The following MAST2 variants were observed in gnomAD, a reference collection of about 807,000 sequenced individuals.
The protein encoded by MAST2 is microtubule associated serine/threonine kinase 2.
Under a neutral mutation model 147.4 loss-of-function variants are expected in MAST2, and 70 were observed. The observed-to-expected ratio is 0.47, with a 90% CI of 0.39 to 0.58. MAST2 has a LOEUF of 0.58. Among genes scored for constraint, MAST2 ranks in the 20% least tolerant of loss-of-function variants. MAST2 has a pLI of 0.00. For missense variants in MAST2, 2,080 were observed against 2,302.3 expected (o/e 0.90, Z 1.98); for synonymous variants, 869 against 896.8 (o/e 0.97, Z 0.55).
rs567753933 is a variant in MAST2, at chr1:46,030,261, T to A, written c.2553+23T>A. The A allele has an allele frequency of 1.1e-5, 17 of 1,607,308 alleles. No individual in the cohort carries two copies. The East Asian group carries it at 2.7e-4, about 25-fold the overall frequency. ...AAGGTGTGACTGAGGAGGCCCAGAA[T>A]GGGCAGAACAGGCTGGAGGATCAGA... is the stretch of plus-strand genomic sequence containing the variant. On this transcript the variant is annotated intron_variant, in intron 21 of 28. Coordinates refer to ENST00000361297, the MANE Select transcript of MAST2 (RefSeq NM_015112.3).
In MAST2 at chr1:45,949,115, C is replaced by T. The variant is rs1440777175; in HGVS notation, c.501-10271C>T. Reference sequence around the variant, plus strand: ...ATGCGTTAAAGACTTAAACGTAAAACTATGAAAACCCTGGAAGACAACCTA... The same window carrying T: ...ATGCGTTAAAGACTTAAACGTAAAATTATGAAAACCCTGGAAGACAACCTA... On this transcript the variant is annotated intron_variant, in intron 4 of 28. Coordinates refer to ENST00000361297, the MANE Select transcript of MAST2 (RefSeq NM_015112.3). Among the ~76,000 whole-genome samples the T allele has an allele frequency of 3.3e-5, 5 of 150,394 alleles. 1 individual carries two copies. The highest frequency in any genetic ancestry group is 7.4e-5 in the Non-Finnish European group (5 of 67,354).
At chr1:45,826,743 T>C (rs1014619974) in intron 2 of MAST2, among the ~76,000 whole-genome samples, 7 of 152,338 alleles carry the variant, frequency 4.6e-5, no homozygotes, top group Admixed American at 6.5e-5. Flanking sequence ...CTATCTGCTT[T>C]AGATTTCCCC....
At chr1:45,978,014 G>C (rs1644244023) in intron 5 of MAST2, among the ~76,000 whole-genome samples, 1 of 151,762 alleles carries the variant, frequency 6.6e-6, no homozygotes, top group Non-Finnish European at 1.5e-5. Flanking sequence ...CGAGGAGTTC[G>C]AGACCAGCCT....
At chr1:45,868,995 G>T (rs893887075) in intron 3 of MAST2, among the ~76,000 whole-genome samples, 2 of 152,160 alleles carry the variant, frequency 1.3e-5, no homozygotes, top group Non-Finnish European at 1.5e-5. Flanking sequence ...GGCTTTGAAG[G>T]TTAAGGAATT....
intron 4 of MAST2, among the ~76,000 whole-genome samples, chr1:45,929,676 T>A (rs1420023618): frequency 2.0e-5 from 3 of 152,210 alleles, no homozygotes; most frequent in East Asian, 1.9e-4. Flanking sequence ...GTCCTGCTGT[T>A]AAGAAACTAG....
chr1:46,035,840 G>T lies in MAST2; in HGVS notation c.5171G>T (p.Gly1724Val). The T allele has an allele frequency of 5.0e-6, 8 of 1,614,088 alleles. No individual in the cohort carries two copies. Among genetic ancestry groups the T allele is most frequent in the African/African-American group, 1.3e-5 (1 of 75,014 alleles). ...CCATCTTATGAGGATCCCAGCCAGG[G>T]CTGGCTATGGGAGTCTGAGTGTGCA... ...AHPSYEDPSQGWLWESECAQA... is the reference protein window; with the variant it reads ...AHPSYEDPSQVWLWESECAQA... The change falls in exon 29 of 29, where the codon GGC becomes GTC. Residue 1724 changes from glycine (G) to valine (V), a missense_variant. By Grantham distance (109) the Gly-to-Val change is moderately radical (BLOSUM62 -3). Transcript: ENST00000361297. This position sits in a 1 kb window ranked among gnomAD's most constrained non-coding sequence, Gnocchi z 5.5.
At chr1:45,920,138 G>A (rs1021330353) in intron 4 of MAST2, among the ~76,000 whole-genome samples, 1 of 152,104 alleles carries the variant, frequency 6.6e-6, no homozygotes, top group Non-Finnish European at 1.5e-5. Flanking sequence ...CAGGCTGATG[G>A]GAGCATGAAC....
chr1:46,035,544 G>A lies in MAST2; in HGVS notation c.4875G>A (p.Gln1625=). The A allele has an allele frequency of 1.2e-6, 2 of 1,613,466 alleles. No individual in the cohort carries two copies. Among genetic ancestry groups the A allele is most frequent in the Non-Finnish European group, 1.7e-6 (2 of 1,179,998 alleles). ...GCWKAQHLHT[Q]ALTALSPSTS... ...GGAAGGCCCAGCACCTCCACACCCA[G>A]GCACTAACAGCACTTTCTCCCAGCA... The change falls in exon 29 of 29, where the codon CAG becomes CAA. Residue 1625 remains glutamine, a synonymous_variant. Coordinates refer to ENST00000361297, the MANE Select transcript of MAST2 (RefSeq NM_015112.3). The surrounding 1 kb of genome is among the most constrained non-coding windows in gnomAD (Gnocchi z 5.5).
rs146458868 is a variant in MAST2, at chr1:45,918,268, T to C, written c.500+35873T>C. Among the ~76,000 whole-genome samples the C allele has an allele frequency of 6.7e-3, 1,014 of 152,274 alleles. 10 individuals carry two copies. The highest frequency in any genetic ancestry group is 0.023 in the African/African-American group (960 of 41,558). ...AAGTCATAGAGCCTGAATGGAGATA[T>C]CTGGAAGAAGAGTGTTCCAGGTGGA... On this transcript the variant is annotated intron_variant, in intron 4 of 28. Coordinates refer to ENST00000361297, the MANE Select transcript of MAST2 (RefSeq NM_015112.3).
Position 46,034,966 on chromosome 1 carries a change from C to A in MAST2, c.4297C>A (p.Pro1433Thr), listed in dbSNP as rs1646841305. 3 of 1,614,060 alleles carry A rather than the reference C, an allele frequency of 1.9e-6. No individual in the cohort carries two copies. Among genetic ancestry groups the A allele is most frequent in the African/African-American group, 1.3e-5 (1 of 75,048 alleles). Residue 1433 changes from proline (P) to threonine (T), a missense_variant, in exon 29 of 29, where the codon CCC (proline) becomes ACC (threonine). Transcript: ENST00000361297. The stretch of plus-strand genomic sequence containing the variant: ...TTCTCGCAAGCACAGCCTTGACCTG[C>A]CCCACTCTGAACTAAAGAAGGAACT... ...ATSRKHSLDL[P>T]HSELKKELPP...
At chr1:45,854,137 G>A (rs928044418) in intron 3 of MAST2, among the ~76,000 whole-genome samples, 3 of 151,938 alleles carry the variant, frequency 2.0e-5, no homozygotes, top group African/African-American at 7.3e-5. Context: ...TCAGGAGTTC[G>A]AGACCAGCCT....
In MAST2 at chr1:46,019,833, A is replaced by G. The variant is rs570550436; in HGVS notation, c.1290+136A>G. ...GGTCCTTATTTAAATATGATTTGCC[A>G]CCATTGGGGGACTAAACAGGTTTTT... On this transcript the variant is annotated intron_variant, in intron 11 of 28. Coordinates refer to ENST00000361297, the MANE Select transcript of MAST2 (RefSeq NM_015112.3). 8.1e-6 allele frequency: 6 copies of G among 742,674 alleles called. No individual in the cohort carries two copies. In the Admixed American group the frequency reaches 1.2e-4, roughly 15 times the overall value. The allele number at this position is 742,674 out of a possible 1,614,324, so 46.0% of individuals were successfully genotyped here.
intron 8 of MAST2, 44 bp from the exon 9 acceptor site, chr1:46,008,252 G>A (rs766912550): frequency 2.2e-5 from 32 of 1,422,310 alleles, no homozygotes; most frequent in Non-Finnish European, 3.1e-5. Context: ...CTTCTTGATA[G>A]TTCCATAGCA....
At chr1:46,026,438 CTTTTGT>C (rs1348055123) in intron 16 of MAST2, among the ~76,000 whole-genome samples, 1 of 152,030 alleles carries the variant, frequency 6.6e-6, no homozygotes, top group Non-Finnish European at 1.5e-5. Context: ...ATCAAGGGCC[CTTTTGT>C]TATATTTGGG....
intron 7 of MAST2, 111 bp from the exon 8 acceptor site, chr1:46,006,130 C>T: frequency 1.9e-6 from 2 of 1,061,532 alleles, no homozygotes. Flanking sequence ...AGAAGACCTG[C>T]TTTGGGTTTA....
At chr1:45,974,134 C>G (rs1206330595) in intron 5 of MAST2, among the ~76,000 whole-genome samples, 2 of 152,030 alleles carry the variant, frequency 1.3e-5, no homozygotes, top group African/African-American at 4.8e-5. Context: ...GAATGGCTGG[C>G]ACAGTGTCCT....
intron 1 of MAST2, among the ~76,000 whole-genome samples, chr1:45,818,720 G>T (rs1249721495): frequency 6.6e-6 from 1 of 152,092 alleles, no homozygotes; most frequent in Non-Finnish European, 1.5e-5. Context: ...AAAACTTTTT[G>T]AACCACCACT....
chr1:45,996,532 A>G (rs1201416231), intron 5 of MAST2, among the ~76,000 whole-genome samples: 4 of 151,890 alleles, frequency 2.6e-5, no homozygotes, highest in African/African-American at 9.7e-5. Flanking sequence ...AGCATGGAAA[A>G]CCCAGAGTTC....
chr1:45,818,195 G>A (rs570390789), intron 1 of MAST2, among the ~76,000 whole-genome samples: 16 of 152,304 alleles, frequency 1.1e-4, no homozygotes, highest in Non-Finnish European at 1.5e-5. Flanking sequence ...GTCAGGCGTT[G>A]CAGTTTTTGG....
Sources: gnomAD v4.1 joint callset for allele counts (sites outside exome capture counted in the v4.1 genomes callset) on GRCh38, gnomAD v4.1.1 for gene constraint, Gnocchi (gnomAD v3.1) non-coding constraint, MANE v1.5 for transcripts, NCBI Gene and HGNC (gene_info 2026-07-23, HGNC 2026-07-21) for gene names.